PLXNA4: variants seen among roughly 807,000 people sequenced by gnomAD.
PLXNA4 encodes plexin A4, also known as plexin-A4.
A neutral mutation model predicts 191.8 loss-of-function variants in PLXNA4; 44 were observed. The ratio of observed to expected loss-of-function variants is 0.23; its 90% CI spans 0.18 to 0.29. PLXNA4 has a LOEUF of 0.29. Ranked by LOEUF, PLXNA4 falls within the 10% of genes least tolerant of loss-of-function variation. PLXNA4 has a pLI of 1.00. For synonymous variants in PLXNA4, 1,082 were observed against 1,009.5 expected, an observed-to-expected ratio of 1.07 and a Z score of -1.36; for missense variants, 1,800 against 2,488.8, an observed-to-expected ratio of 0.72 and a Z score of 5.89.
chr7:132,348,939 G>A (rs775546118), intron 3 of PLXNA4, among the ~76,000 whole-genome samples: 1 of 152,154 alleles, frequency 6.6e-6, no homozygotes, highest in Non-Finnish European at 1.5e-5. Flanking sequence ...ACACTGAATG[G>A]ACAGAGGCAG....
intron 3 of PLXNA4, among the ~76,000 whole-genome samples, chr7:132,423,014 G>C (rs1470929908): frequency 1.3e-5 from 2 of 152,174 alleles, no homozygotes; most frequent in African/African-American, 4.8e-5. Context: ...GGTGTGGCAG[G>C]TTCTGATTAA....
chr7:132,437,245 A>G (rs923171771), intron 3 of PLXNA4, among the ~76,000 whole-genome samples: 1 of 152,346 alleles, frequency 6.6e-6, no homozygotes, highest in East Asian at 1.9e-4. Context: ...TCAGAAGTGC[A>G]ATAGTCAGAA....
chr7:132,442,483 C>T (rs1255903811), intron 3 of PLXNA4, among the ~76,000 whole-genome samples: 1 of 152,208 alleles, frequency 6.6e-6, no homozygotes, highest in Non-Finnish European at 1.5e-5. Context: ...AAGATTCTTA[C>T]TTTTCTCGAA....
At chr7:132,426,093 C>T (rs1376789731) in intron 3 of PLXNA4, among the ~76,000 whole-genome samples, 3 of 152,320 alleles carry the variant, frequency 2.0e-5, no homozygotes, top group South Asian at 4.1e-4. Flanking sequence ...TTCATTCCTG[C>T]CTCAGAAAAG....
At chr7:132,632,230 C>A (rs1803505854) in intron 2 of PLXNA4, among the ~76,000 whole-genome samples, 2 of 104,722 alleles carry the variant, frequency 1.9e-5, no homozygotes, top group South Asian at 3.5e-4. Context: ...AGCTAGACTC[C>A]ATCTCAAAAA....
At chr7:132,542,394 T>A (rs1263596508) in intron 1 of PLXNA4, among the ~76,000 whole-genome samples, 2 of 152,190 alleles carry the variant, frequency 1.3e-5, no homozygotes, top group African/African-American at 4.8e-5. Context: ...AAGGTACAGA[T>A]GCAAGAAAAT....
chr7:132,165,430 C>T (rs1051613661), intron 22 of PLXNA4, among the ~76,000 whole-genome samples: 12 of 152,152 alleles, frequency 7.9e-5, no homozygotes, highest in African/African-American at 2.9e-4. Context: ...ACATTTTGGG[C>T]AGCAGGCTGT....
At chr7:132,156,112 C>A (rs1258135998) in intron 25 of PLXNA4, among the ~76,000 whole-genome samples, 1 of 149,776 alleles carries the variant, frequency 6.7e-6, no homozygotes, top group Non-Finnish European at 1.5e-5. Flanking sequence ...AAATGAATCT[C>A]TCTCTCTCTC....
In PLXNA4 at chr7:132,298,159, C is replaced by T. The variant is rs1322390992; in HGVS notation, c.1435G>A (p.Gly479Ser). Residue 479 changes from glycine (G) to serine (S), a missense_variant, in exon 4 of 32, where the codon GGC (glycine) becomes AGC (serine). By Grantham distance (56) the Gly-to-Ser change is moderately conservative. This residue lies in a region of PLXNA4 where 1,397 missense variants were observed against 1,880.4 expected (regional missense o/e 0.74). Transcript: ENST00000321063. ...AAGGCCATATCCCGGAGGACTGGGC[C>T]GGGGTCCACCACCTGCACCGTCTCA... ...QYETVQVVDPGPVLRDMAFSK... is the reference protein window; with the variant it reads ...QYETVQVVDPSPVLRDMAFSK... 6.8e-6 allele frequency: 11 copies of T among 1,614,018 alleles called. No homozygotes were observed. Among genetic ancestry groups the T allele is most frequent in the South Asian group, 3.3e-5 (3 of 91,076 alleles).
rs544779740 is a variant in PLXNA4 at position 132,464,726 on chromosome 7, G to A, written c.1371+24566C>T. 4.6e-5 allele frequency among the ~76,000 whole-genome samples: 7 copies of A among 152,258 alleles called. No homozygotes were observed. The South Asian group carries it at 8.3e-4, about 18-fold the overall frequency. ...AACAACCTTTATTGATCAACAAAAC[G>A]AAAATTACCAGGAGTTAGTCCCTCC... On this transcript the variant is annotated intron_variant, in intron 3 of 31. Coordinates refer to ENST00000321063, the MANE Select transcript of PLXNA4 (RefSeq NM_020911.2).
chr7:132,537,791 TAA>T (rs1317973985), intron 1 of PLXNA4, among the ~76,000 whole-genome samples: 1 of 152,080 alleles, frequency 6.6e-6, no homozygotes, highest in Non-Finnish European at 1.5e-5. Context: ...GGGAAATTCT[TAA>T]AAAAAGAAAG....
chr7:132,492,976 G>A (rs566371259), intron 2 of PLXNA4, among the ~76,000 whole-genome samples: 84 of 152,318 alleles, frequency 5.5e-4, no homozygotes, highest in African/African-American at 2.0e-3. Context: ...TGCTGGGTCT[G>A]AGCTGAAACC....
chr7:132,433,528 T>A (rs1285090389), intron 3 of PLXNA4, among the ~76,000 whole-genome samples: 3 of 152,200 alleles, frequency 2.0e-5, no homozygotes, highest in Non-Finnish European at 4.4e-5. Context: ...TCAGCATTCA[T>A]TTCCCTTTGG....
chr7:132,314,209 G>T (rs1468342450), intron 3 of PLXNA4, among the ~76,000 whole-genome samples: 1 of 152,130 alleles, frequency 6.6e-6, no homozygotes, highest in Non-Finnish European at 1.5e-5. Context: ...CCAAACAAAA[G>T]TCTCATTTTG....
chr7:132,631,971 A>G (rs1330245349), intron 2 of PLXNA4, among the ~76,000 whole-genome samples: 3 of 152,222 alleles, frequency 2.0e-5, no homozygotes, highest in Non-Finnish European at 2.9e-5. Flanking sequence ...ATAGTGGCTC[A>G]TGCCTGTAAT....
intron 9 of PLXNA4, among the ~76,000 whole-genome samples, chr7:132,213,559 C>A (rs746532444): frequency 6.6e-6 from 1 of 152,110 alleles, no homozygotes; most frequent in Non-Finnish European, 1.5e-5. Flanking sequence ...CCATCCTGTG[C>A]CCCCCACCAC....
At chr7:132,507,469 C>G (rs1427149032) in intron 2 of PLXNA4, 37 bp downstream of exon 2, 1 of 1,566,838 alleles carries the variant, frequency 6.4e-7, no homozygotes, top group Non-Finnish European at 8.6e-7. Context: ...ATCCTACACT[C>G]CCAACCATCC....
At chr7:132,427,326 C>T (rs948399528) in intron 3 of PLXNA4, among the ~76,000 whole-genome samples, 1 of 152,214 alleles carries the variant, frequency 6.6e-6, no homozygotes, top group African/African-American at 2.4e-5. Flanking sequence ...ACCTTAAAAA[C>T]AGCCAGGGGA....
At chr7:132,517,910 T>A (rs1799003229) in intron 1 of PLXNA4, among the ~76,000 whole-genome samples, 1 of 152,232 alleles carries the variant, frequency 6.6e-6, no homozygotes, top group South Asian at 2.1e-4. Flanking sequence ...AATGGACACA[T>A]GCTATTTGTA....
Sources: gnomAD v4.1 joint callset for allele counts (sites outside exome capture counted in the v4.1 genomes callset) on GRCh38, gnomAD v4.1.1 for gene constraint, gnomAD v4.1.1 regional missense constraint, MANE v1.5 for transcripts, NCBI Gene and HGNC (gene_info 2026-07-23, HGNC 2026-07-21) for gene names.